Variants in DCLK1 observed in about 807,000 individuals in gnomAD.
DCLK1 encodes the protein doublecortin like kinase 1, also known as serine/threonine-protein kinase DCLK1.
In DCLK1, 16 loss-of-function variants were observed where a neutral mutation model predicts 86.2. The observed-to-expected ratio is 0.19, with a 90% CI of 0.13 to 0.28. The LOEUF (loss-of-function observed/expected upper bound fraction) is 0.28. DCLK1 is among the 10% of genes least tolerant of loss of function. The probability of loss-of-function intolerance (pLI) is 1.00; values close to 1 mark genes in which losing one functional copy is unlikely to be tolerated. For missense variants in DCLK1, 590 were observed against 940.2 expected (o/e 0.63, Z 4.87); for synonymous variants, 369 against 370.5 (o/e 1.00, Z 0.05).
chr13:36,030,234 G>C (rs1263974553), intron 3 of DCLK1, among the ~76,000 whole-genome samples: 14 of 152,162 alleles, frequency 9.2e-5, no homozygotes, highest in Non-Finnish European at 2.1e-4. Context: ...CTCTGTAAGA[G>C]CTCATATTCA....
At chr13:36,059,512 AC>A (rs1303370615) in intron 3 of DCLK1, among the ~76,000 whole-genome samples, 1 of 152,128 alleles carries the variant, frequency 6.6e-6, no homozygotes, top group Non-Finnish European at 1.5e-5. Context: ...TCTCCACTAA[AC>A]CCCACTGGCC....
chr13:35,936,676 G>T (rs1016953945), intron 4 of DCLK1, among the ~76,000 whole-genome samples: 1 of 152,168 alleles, frequency 6.6e-6, no homozygotes, highest in African/African-American at 2.4e-5. Context: ...GAGAGCCTCT[G>T]GCAGAAAACT....
chr13:35,901,038 T>A (rs73178229), intron 4 of DCLK1, among the ~76,000 whole-genome samples: 4,591 of 151,920 alleles, frequency 0.03, 112 homozygotes, highest in Non-Finnish European at 0.041. Flanking sequence ...AAACAAGAAA[T>A]AAGGAAATGT....
chr13:36,095,742 T>C (rs568744745), intron 3 of DCLK1, among the ~76,000 whole-genome samples: 1 of 148,450 alleles, frequency 6.7e-6, no homozygotes, highest in Non-Finnish European at 1.5e-5. Context: ...ATAACTTTCT[T>C]GAGGATATGG....
At chr13:36,063,872 T>C (rs1008042628) in intron 3 of DCLK1, among the ~76,000 whole-genome samples, 8 of 152,174 alleles carry the variant, frequency 5.3e-5, no homozygotes, top group Non-Finnish European at 4.4e-5. Context: ...AGGCAATAAA[T>C]ATTTATTACA....
intron 4 of DCLK1, among the ~76,000 whole-genome samples, chr13:35,937,005 T>G (rs905124310): frequency 3.1e-5 from 4 of 130,866 alleles, no homozygotes; most frequent in Non-Finnish European, 6.3e-5. Context: ...AGTCTCTCTC[T>G]GTTGCCCAGG....
At chr13:36,059,622 G>C (rs1403137278) in intron 3 of DCLK1, among the ~76,000 whole-genome samples, 10 of 152,166 alleles carry the variant, frequency 6.6e-5, no homozygotes, top group Admixed American at 4.6e-4. Context: ...TTGCACCATA[G>C]AAAGTGGGTA....
intron 4 of DCLK1, among the ~76,000 whole-genome samples, chr13:35,930,581 T>C (rs1013026595): frequency 6.6e-5 from 10 of 151,844 alleles, no homozygotes; most frequent in African/African-American, 2.2e-4. Flanking sequence ...GCCTGGGTGA[T>C]AGAGCAAGAC....
chr13:36,114,061 C>T (rs74044528), intron 2 of DCLK1, among the ~76,000 whole-genome samples: 1,597 of 152,076 alleles, frequency 0.011, 41 homozygotes, highest in African/African-American at 0.037. Context: ...CTATACTAAG[C>T]TAATAACTAA....
At chr13:35,833,844 T>A (rs1027956364) in intron 8 of DCLK1, among the ~76,000 whole-genome samples, 1 of 152,328 alleles carries the variant, frequency 6.6e-6, no homozygotes, top group Non-Finnish European at 1.5e-5. Flanking sequence ...TATGTCCTCG[T>A]TCAGCAGGAG....
At chr13:36,065,147 G>A (rs1011080291) in intron 3 of DCLK1, among the ~76,000 whole-genome samples, 1 of 152,194 alleles carries the variant, frequency 6.6e-6, no homozygotes, top group Non-Finnish European at 1.5e-5. Flanking sequence ...ATTTCCCAGA[G>A]AAATGATCTG....
At chr13:35,961,979 T>C (rs1284983684) in intron 3 of DCLK1, among the ~76,000 whole-genome samples, 1 of 152,208 alleles carries the variant, frequency 6.6e-6, no homozygotes. Flanking sequence ...TCTGAAGCAA[T>C]CAAGCCATAA....
intron 5 of DCLK1, among the ~76,000 whole-genome samples, chr13:35,857,615 G>T (rs1318600161): frequency 6.6e-6 from 1 of 152,188 alleles, no homozygotes; most frequent in Admixed American, 6.5e-5. Flanking sequence ...TGTGTCTTTT[G>T]TTTAAATTCT....
At chr13:35,922,701 T>C (rs1195458580) in intron 4 of DCLK1, among the ~76,000 whole-genome samples, 4 of 152,190 alleles carry the variant, frequency 2.6e-5, no homozygotes, top group African/African-American at 9.7e-5. Context: ...GGCATTGTTA[T>C]GTATTGGGCA....
chr13:35,997,839 C>A (rs995859660), intron 3 of DCLK1, among the ~76,000 whole-genome samples: 10 of 152,270 alleles, frequency 6.6e-5, no homozygotes, highest in African/African-American at 2.4e-4. Flanking sequence ...TGCATAGGTC[C>A]TGGGGTGTTT....
intron 5 of DCLK1, among the ~76,000 whole-genome samples, chr13:35,861,453 G>A (rs972106257): frequency 1.8e-4 from 27 of 152,112 alleles, no homozygotes; most frequent in African/African-American, 5.8e-4. Context: ...GCTCCCGCTA[G>A]AGTAAAGCCT....
chr13:36,110,762 G>A (rs948490058), intron 3 of DCLK1, among the ~76,000 whole-genome samples: 10 of 151,532 alleles, frequency 6.6e-5, no homozygotes, highest in South Asian at 4.2e-4. Flanking sequence ...AGCAAAGATA[G>A]TGTGCTCAAA....
chr13:36,078,346 ATCT>A (rs763281105), intron 3 of DCLK1, among the ~76,000 whole-genome samples: 21 of 152,204 alleles, frequency 1.4e-4, no homozygotes, highest in East Asian at 1.2e-3. Flanking sequence ...TACCACTTAC[ATCT>A]TCTTCCAACA....
rs567426210 is a variant in DCLK1, at chr13:35,913,683, C to T, written c.823+33675G>A. On this transcript the variant is annotated intron_variant, in intron 4 of 16. Coordinates refer to ENST00000360631, the MANE Select transcript of DCLK1 (RefSeq NM_001330071.2). The stretch of plus-strand genomic sequence containing the variant: ...CAATGTTAGGCAGAAACAGAATAAA[C>T]CGAATTCTTGTTATTCATTGTTCCT... 6.6e-5 allele frequency among the ~76,000 whole-genome samples: 10 copies of T among 152,042 alleles called. No individual in the cohort carries two copies. The East Asian group carries it at 1.7e-3, about 26-fold the overall frequency.
Sources: gnomAD v4.1 joint callset for allele counts (sites outside exome capture counted in the v4.1 genomes callset) on GRCh38, gnomAD v4.1.1 for gene constraint, MANE v1.5 for transcripts, NCBI Gene and HGNC (gene_info 2026-07-23, HGNC 2026-07-21) for gene names.